The following CNTNAP5 variants were observed in gnomAD, a reference collection of about 807,000 sequenced individuals.
CNTNAP5 encodes the protein contactin associated protein family member 5, also known as contactin-associated protein-like 5.
CNTNAP5 carries 72 observed loss-of-function variants against 150.2 expected under a neutral mutation model. The observed-to-expected ratio is 0.48, with a 90% CI of 0.40 to 0.58. The LOEUF (loss-of-function observed/expected upper bound fraction) is 0.58, where lower values mean the gene tolerates loss of function less well. CNTNAP5 is among the 20% of genes least tolerant of loss of function. The pLI is 0.00. For synonymous variants in CNTNAP5, 672 were observed against 619.8 expected, an observed-to-expected ratio of 1.08 and a Z score of -1.25; for missense variants, 1,636 against 1,626.2, an observed-to-expected ratio of 1.01 and a Z score of -0.10.
intron 11 of CNTNAP5, among the ~76,000 whole-genome samples, chr2:124,570,257 T>TTGAGAAAG (rs1329432009): frequency 6.6e-6 from 1 of 152,166 alleles, no homozygotes; most frequent in Non-Finnish European, 1.5e-5. Context: ...TGTTACTTTC[T>TTGAGAAAG]TGAGAAAGTG....
In CNTNAP5 at chr2:124,772,913, A is replaced by G. The variant is rs550648700; in HGVS notation, c.2648A>G (p.Asn883Ser). The stretch of plus-strand genomic sequence containing the variant: ...TGGCACTATGTCCGGGCTGAGAGGA[A>G]CCTCAAGGAGACCTCCCTGCAGGTG... Reference protein sequence around the residue: ...NQWHYVRAERNLKETSLQVDN... With the variant: ...NQWHYVRAERSLKETSLQVDN... Residue 883 changes from asparagine to serine, a missense_variant, in exon 17 of 24, where the codon AAC becomes AGC. Coordinates refer to ENST00000682447, the MANE Select transcript of CNTNAP5 (RefSeq NM_001367498.1). 6.2e-7 allele frequency: 1 copy of G among 1,613,640 alleles called. No homozygotes were observed. The highest frequency in any genetic ancestry group is 1.3e-5 in the African/African-American group (1 of 74,986).
At chr2:124,116,431 G>A (rs1375468381) in intron 1 of CNTNAP5, among the ~76,000 whole-genome samples, 3 of 152,220 alleles carry the variant, frequency 2.0e-5, no homozygotes, top group African/African-American at 7.2e-5. Flanking sequence ...GAGAAGGGAA[G>A]AGATGGCAGT....
chr2:124,541,067 G>A (rs910798322), intron 10 of CNTNAP5, among the ~76,000 whole-genome samples: 2 of 151,770 alleles, frequency 1.3e-5, no homozygotes, highest in Admixed American at 1.3e-4. Flanking sequence ...TCCTCTCCAT[G>A]GCTTTCTAAG....
intron 3 of CNTNAP5, among the ~76,000 whole-genome samples, chr2:124,249,963 G>T (rs1687132599): frequency 7.8e-5 from 2 of 25,650 alleles, no homozygotes; most frequent in East Asian, 3.6e-4. Context: ...GAATTCTTTT[G>T]TGTGTGTGTG....
At chr2:124,634,970 T>A (rs1045761826) in intron 12 of CNTNAP5, among the ~76,000 whole-genome samples, 3 of 152,180 alleles carry the variant, frequency 2.0e-5, no homozygotes, top group Non-Finnish European at 4.4e-5. Flanking sequence ...TATCTGCTGA[T>A]TACCCAATTC....
chr2:124,543,771 TAG>T (rs1695445034), intron 10 of CNTNAP5, among the ~76,000 whole-genome samples: 1 of 152,154 alleles, frequency 6.6e-6, no homozygotes, highest in Non-Finnish European at 1.5e-5. Context: ...TCGTCAAATG[TAG>T]AGAGTTGCTT....
At chr2:124,705,590 G>T (rs1372804424) in intron 13 of CNTNAP5, among the ~76,000 whole-genome samples, 1 of 152,016 alleles carries the variant, frequency 6.6e-6, no homozygotes, top group Admixed American at 6.6e-5. Context: ...CTTGCATATA[G>T]TAGGCACTTT....
intron 11 of CNTNAP5, among the ~76,000 whole-genome samples, chr2:124,599,119 T>A (rs1198203172): frequency 6.6e-6 from 1 of 152,202 alleles, no homozygotes; most frequent in Non-Finnish European, 1.5e-5. Context: ...TCGCTCACGC[T>A]GGGAGCTGTA....
chr2:124,292,232 T>C (rs1453903659), intron 3 of CNTNAP5, among the ~76,000 whole-genome samples: 1 of 152,158 alleles, frequency 6.6e-6, no homozygotes, highest in East Asian at 1.9e-4. Flanking sequence ...TCCCAGTATC[T>C]TTAAGACCCT....
At chr2:124,812,569 C>G (rs889213021) in intron 19 of CNTNAP5, among the ~76,000 whole-genome samples, 2 of 152,176 alleles carry the variant, frequency 1.3e-5, no homozygotes, top group Non-Finnish European at 2.9e-5. Flanking sequence ...TCTATTCTCT[C>G]TAAATCCAGC....
At chr2:124,748,350 AACTT>A (rs1157133371) in intron 14 of CNTNAP5, among the ~76,000 whole-genome samples, 4 of 152,136 alleles carry the variant, frequency 2.6e-5, no homozygotes, top group African/African-American at 9.7e-5. Flanking sequence ...CTCCTACACC[AACTT>A]ACTTCTGTAA....
At chr2:124,549,296 C>T (rs190454131) in intron 10 of CNTNAP5, among the ~76,000 whole-genome samples, 2 of 152,136 alleles carry the variant, frequency 1.3e-5, no homozygotes, top group African/African-American at 4.8e-5. Flanking sequence ...CTAGAGGAGC[C>T]GGGATAATAA....
chr2:124,513,750 G>A (rs2104874898), intron 8 of CNTNAP5, among the ~76,000 whole-genome samples: 1 of 152,308 alleles, frequency 6.6e-6, no homozygotes, highest in South Asian at 2.1e-4. Flanking sequence ...TACTAATTAG[G>A]TAAAGGGCAG....
Position 124,868,378 on chromosome 2 carries a change from C to T in CNTNAP5, c.3349-1297C>T, listed in dbSNP as rs77626082. Among the ~76,000 whole-genome samples the T allele has an allele frequency of 7.9e-5, 12 of 152,264 alleles. No individual in the cohort carries two copies. In the East Asian group the frequency reaches 2.3e-3, roughly 29 times the overall value. On this transcript the variant is annotated intron_variant, in intron 20 of 23. Coordinates refer to ENST00000682447, the MANE Select transcript of CNTNAP5 (RefSeq NM_001367498.1). ...CCTCTGGAACTCTAGTTGTGCCACT[C>T]TGGCCTCTTTGCTATTTGCAGAGCC...
chr2:124,529,300 T>C (rs1558941414), intron 10 of CNTNAP5, among the ~76,000 whole-genome samples: 1 of 152,160 alleles, frequency 6.6e-6, no homozygotes, highest in Non-Finnish European at 1.5e-5. Context: ...TCTCTTATGC[T>C]ACCTTAATTT....
intron 1 of CNTNAP5, among the ~76,000 whole-genome samples, chr2:124,201,707 T>G (rs1685733063): frequency 6.6e-6 from 1 of 152,178 alleles, no homozygotes; most frequent in Non-Finnish European, 1.5e-5. Flanking sequence ...GGTTCTGAAT[T>G]TGGAGGAGAT....
chr2:124,069,938 C>T (rs1022082621), intron 1 of CNTNAP5, among the ~76,000 whole-genome samples: 3 of 151,894 alleles, frequency 2.0e-5, no homozygotes, highest in Non-Finnish European at 4.4e-5. Context: ...TTAAGTAGAA[C>T]GACTAAAGTA....
At position 124,913,950 on chromosome 2, in the gene CNTNAP5, G is replaced by T. The variant is rs79620372; in HGVS notation, c.3728-142G>T. On this transcript the variant is annotated intron_variant, in intron 23 of 23. Coordinates refer to ENST00000682447, the MANE Select transcript of CNTNAP5 (RefSeq NM_001367498.1). ...CCTTTCAGCAGGTCTTTATTTCTGGGCAGGTGGCAGAGTTGCGTTTGTGTG... is the reference window on the plus strand; with the variant it reads ...CCTTTCAGCAGGTCTTTATTTCTGGTCAGGTGGCAGAGTTGCGTTTGTGTG... The T allele has an allele frequency of 6.1e-4, 352 of 573,642 alleles. 2 individuals carry two copies. The highest frequency in any genetic ancestry group is 5.7e-3 in the African/African-American group (303 of 52,938). 35.5% of individuals were successfully genotyped at this position (573,642 alleles called of 1,614,324 possible).
In CNTNAP5 at chr2:124,721,547, AATTAAAT is replaced by A. The variant is rs529597176; in HGVS notation, c.2078-25679_2078-25673del. ...TATTAAAAAAACAAAAAAGAAAAAA[AATTAAAT>A]ATAGGGTGTCAGAAGCAGACAAATA... On this transcript the variant is annotated intron_variant, in intron 13 of 23. Coordinates refer to ENST00000682447, the MANE Select transcript of CNTNAP5 (RefSeq NM_001367498.1). Among the ~76,000 whole-genome samples the A allele has an allele frequency of 1.6e-3, 245 of 151,744 alleles. 2 individuals carry two copies. The highest frequency in any genetic ancestry group is 5.6e-3 in the African/African-American group (230 of 41,390).
Sources: allele counts gnomAD v4.1 joint callset (sites outside exome capture counted in the v4.1 genomes callset), GRCh38; gene constraint gnomAD v4.1.1; transcripts MANE v1.5; gene names NCBI Gene and HGNC (gene_info 2026-07-23, HGNC 2026-07-21).